STK32B: variants seen among roughly 807,000 people sequenced by gnomAD.
STK32B encodes serine/threonine-protein kinase 32B.
In STK32B, 43 loss-of-function variants were observed where a neutral mutation model predicts 52.6. The ratio of observed to expected loss-of-function variants is 0.82; its 90% CI spans 0.64 to 1.05. STK32B has a LOEUF of 1.05. STK32B is among the 50% of genes least tolerant of loss of function. The pLI is 0.00. For synonymous variants in STK32B, 238 were observed against 204.3 expected (o/e 1.17, Z -1.41); for missense variants, 621 against 534.6 (o/e 1.16, Z -1.59).
At position 5,307,546 on chromosome 4, in the gene STK32B, A is replaced by ATTTT. The variant is rs769423490; in HGVS notation, c.261-23673_261-23672insTTTT. On this transcript the variant is annotated intron_variant, in intron 3 of 11. Transcript: ENST00000282908. Reference sequence around the variant, plus strand: ...TGGAGATTTTCCATTCATATGCTCTATCTTTTTTTTTTTTTTTTAGGTTGA... The same window carrying ATTTT: ...TGGAGATTTTCCATTCATATGCTCTATTTTTCTTTTTTTTTTTTTTTTAGGTTGA... 2.1e-3 allele frequency among the ~76,000 whole-genome samples: 275 copies of ATTTT among 131,100 alleles called. 1 individual carries two copies. The highest frequency in any genetic ancestry group is 7.0e-3 in the East Asian group (32 of 4,564). The allele number at this position is 131,100 out of a possible 152,430, so 86.0% of individuals were successfully genotyped here.
At chr4:5,449,853 C>T (rs755847276) in intron 7 of STK32B, among the ~76,000 whole-genome samples, 3 of 152,162 alleles carry the variant, frequency 2.0e-5, no homozygotes, top group African/African-American at 4.8e-5. Flanking sequence ...CTCCCATCAC[C>T]CCCAGATGCG....
At chr4:5,084,250 T>C (rs1402512622) in intron 1 of STK32B, among the ~76,000 whole-genome samples, 1 of 152,220 alleles carries the variant, frequency 6.6e-6, no homozygotes, top group Admixed American at 6.5e-5. Flanking sequence ...CTTCACTTCT[T>C]TGTATTGGAG....
chr4:5,113,872 A>G lies in STK32B; in HGVS notation c.53-26033A>G, dbSNP rs574157389. ...TGGAAGGCAAGGAGGACCGAATCAC[A>G]TCTTACGTGGATGGTGGCAGGCAAA... is the stretch of plus-strand genomic sequence containing the variant. On this transcript the variant is annotated intron_variant, in intron 1 of 11. Transcript: ENST00000282908. Among the ~76,000 whole-genome samples, 8 of 152,244 alleles carry G rather than the reference A, an allele frequency of 5.3e-5. No homozygotes were observed. The South Asian group carries it at 8.3e-4, about 16-fold the overall frequency.
At chr4:5,382,863 G>T (rs1047813657) in intron 4 of STK32B, among the ~76,000 whole-genome samples, 1 of 152,156 alleles carries the variant, frequency 6.6e-6, no homozygotes, top group African/African-American at 2.4e-5. Flanking sequence ...GGAAACTGAG[G>T]CTCAGAGAGG....
chr4:5,155,617 G>A (rs1345018670), intron 2 of STK32B, among the ~76,000 whole-genome samples: 1 of 152,170 alleles, frequency 6.6e-6, no homozygotes, highest in Non-Finnish European at 1.5e-5. Flanking sequence ...CTGGTGGGAG[G>A]TGACTGGTTC....
intron 4 of STK32B, among the ~76,000 whole-genome samples, chr4:5,346,381 G>A (rs1452529158): frequency 1.3e-5 from 2 of 152,172 alleles, no homozygotes; most frequent in Non-Finnish European, 2.9e-5. Flanking sequence ...TGGGCCTTGG[G>A]CAGTATCCCA....
intron 3 of STK32B, among the ~76,000 whole-genome samples, chr4:5,192,106 C>G (rs981853304): frequency 6.6e-6 from 1 of 152,198 alleles, no homozygotes; most frequent in African/African-American, 2.4e-5. Flanking sequence ...GCCGCCTGGG[C>G]TTCTATTGTG....
chr4:5,211,092 A>G (rs535354759), intron 3 of STK32B, among the ~76,000 whole-genome samples: 179 of 152,234 alleles, frequency 1.2e-3, no homozygotes, highest in Non-Finnish European at 4.3e-4. Context: ...ACCATGCCCT[A>G]CCAGAAATAC....
intron 11 of STK32B, among the ~76,000 whole-genome samples, chr4:5,479,206 G>A (rs1290356891): frequency 4.1e-5 from 6 of 147,018 alleles, no homozygotes; most frequent in African/African-American, 1.2e-4. Flanking sequence ...TGCAACCTCC[G>A]CCTCCCGGGC....
At chr4:5,431,730 T>G (rs1713601533) in intron 6 of STK32B, among the ~76,000 whole-genome samples, 1 of 152,214 alleles carries the variant, frequency 6.6e-6, no homozygotes, top group African/African-American at 2.4e-5. Flanking sequence ...AGCTTTCTAT[T>G]GCTAGCAATG....
At chr4:5,048,026 G>T (rs948605550), upstream of STK32B, among the ~76,000 whole-genome samples, 2 of 152,126 alleles carry the variant, frequency 1.3e-5, no homozygotes, top group African/African-American at 4.8e-5. Context: ...TCCACCCAAG[G>T]AATGTTTGGA....
At position 5,467,942 on chromosome 4, in the gene STK32B, T is replaced by C; in HGVS notation, c.1042-64T>C. 1.3e-6 allele frequency: 2 copies of C among 1,578,074 alleles called. No individual in the cohort carries two copies. The highest frequency in any genetic ancestry group is 3.3e-5 in the Admixed American group (2 of 59,924). ...AGGTCAGTCTGCCGTCCTGTGATGC[T>C]CCATTACCGCGCGTCCCCGGACCGT... On this transcript the variant is annotated intron_variant, in intron 10 of 11. Coordinates refer to ENST00000282908, the MANE Select transcript of STK32B (RefSeq NM_018401.3). This position sits in a 1 kb window ranked among gnomAD's most constrained non-coding sequence, Gnocchi z 5.8.
intron 3 of STK32B, among the ~76,000 whole-genome samples, chr4:5,267,578 CCAGGGTCGCG>C (rs1727136226): frequency 6.6e-6 from 1 of 152,072 alleles, no homozygotes; most frequent in Non-Finnish European, 1.5e-5. Flanking sequence ...AGTGACTCGC[CCAGGGTCGCG>C]CAGCAAGTCT....
At chr4:5,193,658 A>G (rs1198474760) in intron 3 of STK32B, among the ~76,000 whole-genome samples, 2 of 152,236 alleles carry the variant, frequency 1.3e-5, no homozygotes, top group Non-Finnish European at 2.9e-5. Flanking sequence ...CCATAGCCTC[A>G]GAGGCTTCTT....
intron 2 of STK32B, among the ~76,000 whole-genome samples, chr4:5,167,232 G>A (rs867804939): frequency 2.0e-5 from 3 of 152,184 alleles, no homozygotes; most frequent in Admixed American, 2.0e-4. Context: ...TCGCTCAGAA[G>A]TCCAGGCCTC....
intron 6 of STK32B, among the ~76,000 whole-genome samples, chr4:5,440,576 C>T (rs1490519155): frequency 6.6e-6 from 1 of 152,152 alleles, no homozygotes; most frequent in Non-Finnish European, 1.5e-5. Context: ...TTTCTCTTTT[C>T]CTAATTGAAT....
intron 3 of STK32B, among the ~76,000 whole-genome samples, chr4:5,320,942 G>T (rs1731447499): frequency 6.6e-6 from 1 of 152,114 alleles, no homozygotes; most frequent in African/African-American, 2.4e-5. Flanking sequence ...GGAACAGGTC[G>T]ATTATGTTCA....
intron 3 of STK32B, among the ~76,000 whole-genome samples, chr4:5,181,230 A>G (rs558186969): frequency 3.3e-5 from 5 of 152,118 alleles, no homozygotes; most frequent in Non-Finnish European, 7.3e-5. Context: ...TGGAGACAGG[A>G]TCTGTAAGAG....
intron 3 of STK32B, among the ~76,000 whole-genome samples, chr4:5,310,315 A>T (rs1730210818): frequency 6.6e-6 from 1 of 152,218 alleles, no homozygotes; most frequent in Admixed American, 6.5e-5. Context: ...TTCAGAACAT[A>T]AAAGTAACTG....
Sources: gnomAD v4.1 joint callset for allele counts (sites outside exome capture counted in the v4.1 genomes callset) on GRCh38, gnomAD v4.1.1 for gene constraint, Gnocchi (gnomAD v3.1) non-coding constraint, MANE v1.5 for transcripts, NCBI Gene and HGNC (gene_info 2026-07-23, HGNC 2026-07-21) for gene names.